Variants in MELTF observed in about 807,000 individuals in gnomAD.
The protein encoded by MELTF is melanotransferrin.
Under a neutral mutation model 83.7 loss-of-function variants are expected in MELTF, and 67 were observed. The ratio of observed to expected loss-of-function variants is 0.80; its 90% confidence interval spans 0.66 to 0.98. The LOEUF is 0.98. MELTF is among the 50% of genes least tolerant of loss of function. The pLI is 0.00. For missense variants in MELTF, 1,002 were observed against 1,035.6 expected (o/e 0.97, Z 0.44); for synonymous variants, 462 against 447.6 (o/e 1.03, Z -0.41).
chr3:197,023,268 C>T (rs541969341), intron 4 of MELTF, among the ~76,000 whole-genome samples, 155 bp from the exon 5 acceptor site: 42 of 152,242 alleles, frequency 2.8e-4, no homozygotes, highest in African/African-American at 7.9e-4. Context: ...GGAGTGGACC[C>T]GATCAGTGAC....
intron 8 of MELTF, 68 bp from the exon 9 acceptor site, chr3:197,015,584 C>A: frequency 6.6e-7 from 1 of 1,510,542 alleles, no homozygotes; most frequent in South Asian, 1.3e-5. Context: ...GAGTCGGACC[C>A]AAGGGAAATT....
At chr3:197,027,621 AG>A (rs1719909785) in intron 2 of MELTF, 134 bp downstream of exon 2, 1 of 1,182,160 alleles carries the variant, frequency 8.5e-7, no homozygotes. Context: ...CCTCGTGGCC[AG>A]GGAGACTCGG....
intron 1 of MELTF, chr3:197,028,982 G>C (rs1048144475): frequency 6.6e-6 from 1 of 152,532 alleles, no homozygotes; most frequent in African/African-American, 2.4e-5. Flanking sequence ...GCGGGAAACT[G>C]CAAAGTTCAG....
chr3:197,024,458 GCC>G lies in MELTF; in HGVS notation c.330_331del (p.Ala111CysfsTer11). The G allele has an allele frequency of 6.2e-7, 1 of 1,601,084 alleles. No homozygotes were observed. The highest frequency in any genetic ancestry group is 8.5e-7 in the Non-Finnish European group (1 of 1,171,262). On this transcript the variant is annotated frameshift_variant, in exon 4 of 16. Coordinates refer to ENST00000296350, the MANE Select transcript of MELTF (RefSeq NM_005929.6). LOFTEE classifies it high-confidence loss of function. The surrounding 1 kb of genome is among the most constrained non-coding windows in gnomAD (Gnocchi z 5.3). The stretch of plus-strand genomic sequence containing the variant: ...CACATGGGAGCTCCTCCTGACCACA[GCC>G]ACGGCGTAATAGGAGGTACCGACCT...
chr3:197,013,550 CA>C (rs1288868668), intron 9 of MELTF, among the ~76,000 whole-genome samples: 1 of 152,180 alleles, frequency 6.6e-6, no homozygotes, highest in East Asian at 1.9e-4. Context: ...AGTTTCTGCA[CA>C]GCAGAGAAAA....
Position 197,011,664 on chromosome 3 carries a change from A to AT in MELTF, c.1234-871dup, listed in dbSNP as rs1719192407. On this transcript the variant is annotated intron_variant, in intron 9 of 15. Transcript: ENST00000296350. The surrounding 1 kb of genome is among the most constrained non-coding windows in gnomAD (Gnocchi z 4.2). ...CCACCACTCAGACCTCCCCCTTCCT[A>AT]TTGTGCTGTCGGGCAGGACACAGAC... Among the ~76,000 whole-genome samples the AT allele has an allele frequency of 6.6e-6, 1 of 152,032 alleles. No individual in the cohort carries two copies. The highest frequency in any genetic ancestry group is 1.5e-5 in the Non-Finnish European group (1 of 67,972).
At chr3:197,021,605 C>T (rs1719626635) in intron 5 of MELTF, 134 bp from the exon 6 acceptor site, 1 of 768,412 alleles carries the variant, frequency 1.3e-6, no homozygotes, top group Admixed American at 2.2e-5. Context: ...GTCTGGGTTC[C>T]AGCTCCCTGG....
chr3:197,023,170 G>GC (rs1401059652), intron 4 of MELTF, 57 bp from the exon 5 acceptor site: 1 of 1,585,482 alleles, frequency 6.3e-7, no homozygotes, highest in Non-Finnish European at 8.6e-7. Flanking sequence ...GCCAAGCCAA[G>GC]CCCCCAGGGT....
rs996377073 is a variant in MELTF at position 197,029,616 on chromosome 3, A to G, written c.49+38T>C. 6 of 1,237,172 alleles carry G rather than the reference A, an allele frequency of 4.8e-6. No homozygotes were observed. Among genetic ancestry groups the G allele is most frequent in the African/African-American group, 4.7e-5 (3 of 64,096 alleles). 76.6% of individuals were successfully genotyped at this position (1,237,172 alleles called of 1,614,324 possible). A position where few individuals can be genotyped will look rare whatever the true frequency, so the allele number is the denominator to read the frequency against. ...CTCAGCCGGGCCGCGGCGCCCCGGGACCCCCGCCCGCCTTTGGCTCTCACA... is the reference window on the plus strand; with the variant it reads ...CTCAGCCGGGCCGCGGCGCCCCGGGGCCCCCGCCCGCCTTTGGCTCTCACA... On this transcript the variant is annotated intron_variant, in intron 1 of 15. Coordinates refer to ENST00000296350, the MANE Select transcript of MELTF (RefSeq NM_005929.6). This position sits in a 1 kb window ranked among gnomAD's most constrained non-coding sequence, Gnocchi z 6.5.
At chr3:197,020,632 T>C (rs770231016) in intron 6 of MELTF, among the ~76,000 whole-genome samples, 1 of 152,130 alleles carries the variant, frequency 6.6e-6, no homozygotes, top group African/African-American at 2.4e-5. Context: ...TTAAATGACA[T>C]GATGGCTCAA....
At chr3:197,012,492 C>T (rs901692054) in intron 9 of MELTF, among the ~76,000 whole-genome samples, 1 of 152,270 alleles carries the variant, frequency 6.6e-6, no homozygotes, top group African/African-American at 2.4e-5. Flanking sequence ...CCGGTCTCCT[C>T]TTTGTGGCCT....
chr3:197,009,653 CCT>C lies in MELTF; in HGVS notation c.1488_1489del (p.Gly497LeufsTer8). ...GTCACAGTCCTTGGGCCGGATGAAG[CCT>C]CTCTGAATAAGGGCACCCACGGGGA... On this transcript the variant is annotated frameshift_variant, in exon 11 of 16. Coordinates refer to ENST00000296350, the MANE Select transcript of MELTF (RefSeq NM_005929.6). LOFTEE classifies it high-confidence loss of function. 1 of 1,613,436 alleles carries C rather than the reference CCT, an allele frequency of 6.2e-7. No individual in the cohort carries two copies. Among genetic ancestry groups the C allele is most frequent in the Non-Finnish European group, 8.5e-7 (1 of 1,179,606 alleles).
At chr3:197,009,886 TC>T (rs1719126866) in intron 10 of MELTF, 74 bp from the exon 11 acceptor site, 1 of 1,290,190 alleles carries the variant, frequency 7.8e-7, no homozygotes, top group Admixed American at 1.8e-5. Flanking sequence ...GGTCCTTCCT[TC>T]AAACCCACTC....
Position 197,007,196 on chromosome 3 carries a change from A to G in MELTF, c.1751-460T>C, listed in dbSNP as rs1051716859. Among the ~76,000 whole-genome samples the G allele has an allele frequency of 6.6e-6, 1 of 152,166 alleles. No individual in the cohort carries two copies. The highest frequency in any genetic ancestry group is 1.5e-5 in the Non-Finnish European group (1 of 68,018). On this transcript the variant is annotated intron_variant, in intron 13 of 15. Transcript: ENST00000296350. This position sits in a 1 kb window ranked among gnomAD's most constrained non-coding sequence, Gnocchi z 4.3. Reference sequence around the variant, plus strand: ...CTGAAGTTCTCAAATGGAACAGGGTATAGCATCACTTGTGGATGCAGAAGG... The same window carrying G: ...CTGAAGTTCTCAAATGGAACAGGGTGTAGCATCACTTGTGGATGCAGAAGG...
chr3:197,009,565 G>A (rs1237466992), intron 11 of MELTF, 53 bp downstream of exon 11: 19 of 1,547,802 alleles, frequency 1.2e-5, no homozygotes, highest in Non-Finnish European at 1.6e-5. Context: ...CGGGTCCCTA[G>A]CTAACCCCAG....
chr3:197,027,597 G>A (rs886352748), intron 2 of MELTF, among the ~76,000 whole-genome samples, 159 bp downstream of exon 2: 3 of 152,234 alleles, frequency 2.0e-5, no homozygotes, highest in East Asian at 1.9e-4. Flanking sequence ...TGGGCCCGGC[G>A]GGAGGCAAGC....
Position 197,014,383 on chromosome 3 carries a change from G to GTTTTTTTTTT in MELTF, c.1233+972_1233+981dup, listed in dbSNP as rs71623319. On this transcript the variant is annotated intron_variant, in intron 9 of 15. Coordinates refer to ENST00000296350, the MANE Select transcript of MELTF (RefSeq NM_005929.6). Reference sequence around the variant, plus strand: ...GTAGGGGAAGGGAGGAATAGGGAGAGTTTTTTTTTTTTTTTTTTTTTTTGA... The same window carrying GTTTTTTTTTT: ...GTAGGGGAAGGGAGGAATAGGGAGAGTTTTTTTTTTTTTTTTTTTTTTTTTTTTTTTTTGA... Among the ~76,000 whole-genome samples, 60 of 101,052 alleles carry GTTTTTTTTTT rather than the reference G, an allele frequency of 5.9e-4. 4 individuals carry two copies. Among genetic ancestry groups the GTTTTTTTTTT allele is most frequent in the African/African-American group, 2.2e-3 (52 of 24,122 alleles). The allele number at this position is 101,052 out of a possible 152,430, so 66.3% of individuals were successfully genotyped here. A position where few individuals can be genotyped will look rare whatever the true frequency, so the allele number is the denominator to read the frequency against.
At chr3:197,019,509 G>T in intron 6 of MELTF, 1 of 1,506,232 alleles carries the variant, frequency 6.6e-7, no homozygotes, top group Admixed American at 2.0e-5. Flanking sequence ...AGGCTGAGAT[G>T]CGAGGATCAG....
chr3:197,023,014 T>C lies in MELTF; in HGVS notation c.587A>G (p.Glu196Gly). 1 of 1,613,526 alleles carries C rather than the reference T, an allele frequency of 6.2e-7. No individual in the cohort carries two copies. Among genetic ancestry groups the C allele is most frequent in the Admixed American group, 1.7e-5 (1 of 59,996 alleles). The change falls in exon 5 of 16, where the codon GAA (glutamate) becomes GGA (glycine). Residue 196 changes from glutamate to glycine, a missense_variant. By Grantham distance (98) the Glu-to-Gly change is moderately conservative (BLOSUM62 -2). Transcript: ENST00000296350. The part of the protein sequence containing the change: ...CRLCRGDSSG[E>G]GVCDKSPLER... ...CAGGGGGCTCTTGTCACACACCCCT[T>C]CCCCAGAGCTGTCACCCCTGCAGAG...
Sources: allele counts gnomAD v4.1 joint callset (sites outside exome capture counted in the v4.1 genomes callset), GRCh38; gene constraint gnomAD v4.1.1; non-coding constraint Gnocchi (gnomAD v3.1); transcripts MANE v1.5; gene names NCBI Gene and HGNC (gene_info 2026-07-23, HGNC 2026-07-21).